DAZAP1: variants seen among roughly 807,000 people sequenced by gnomAD.
DAZAP1 encodes the protein DAZ associated protein 1.
Under a neutral mutation model 60.1 loss-of-function variants are expected in DAZAP1, and 6 were observed. That is an observed-to-expected ratio of 0.10 (90% CI 0.05 to 0.20). The LOEUF is 0.20. Ranked by LOEUF, DAZAP1 falls within the 10% of genes least tolerant of loss-of-function variation. DAZAP1 has a pLI of 1.00. For synonymous variants in DAZAP1, 235 were observed against 215.9 expected (o/e 1.09, Z -0.78); for missense variants, 366 against 560.4 (o/e 0.65, Z 3.50).
chr19:1,415,642 G>C (rs78275703), intron 1 of DAZAP1: 7 of 151,828 alleles, frequency 4.6e-5, no homozygotes, highest in African/African-American at 1.7e-4. Context: ...CGGAGGCCTC[G>C]CTCCTCCCAC....
chr19:1,412,057 T>C (rs947573461), intron 1 of DAZAP1, among the ~76,000 whole-genome samples: 3 of 152,180 alleles, frequency 2.0e-5, no homozygotes, highest in Non-Finnish European at 2.9e-5. Flanking sequence ...CTGGTCCGCC[T>C]GGGAGGGCGG....
rs577489807 is a variant in DAZAP1, at chr19:1,434,419, G to T, written c.1049-318G>T. 2.8e-5 allele frequency: 9 copies of T among 317,560 alleles called. No homozygotes were observed. The highest frequency in any genetic ancestry group is 1.8e-3 in the Middle Eastern group (2 of 1,108). The allele number at this position is 317,560 out of a possible 1,614,324, so 19.7% of individuals were successfully genotyped here. The stretch of plus-strand genomic sequence containing the variant: ...TGGGCCATGTGTGTCTCCAAGCCCC[G>T]AGGCTTCTCTACCTCCCCTCACCCC... On this transcript the variant is annotated intron_variant, in intron 11 of 11. Coordinates refer to ENST00000233078, the MANE Select transcript of DAZAP1 (RefSeq NM_018959.4). This position sits in a 1 kb window ranked among gnomAD's most constrained non-coding sequence, Gnocchi z 8.0.
At position 1,426,149 on chromosome 19, in the gene DAZAP1, G is replaced by C. The variant is rs1341608630; in HGVS notation, c.546+189G>C. Among the ~76,000 whole-genome samples the C allele has an allele frequency of 6.6e-6, 1 of 152,198 alleles. No individual in the cohort carries two copies. The highest frequency in any genetic ancestry group is 1.5e-5 in the Non-Finnish European group (1 of 68,028). On this transcript the variant is annotated intron_variant, in intron 7 of 11. Transcript: ENST00000233078. The surrounding 1 kb of genome is among the most constrained non-coding windows in gnomAD (Gnocchi z 5.4). ...CCCATCCTTCCCCAGCACCCTTCCT[G>C]CGGGGTGGGGATCTCTCAGCTTTGC... is the stretch of plus-strand genomic sequence containing the variant.
chr19:1,413,203 G>A (rs912043035), intron 1 of DAZAP1, among the ~76,000 whole-genome samples: 2 of 152,220 alleles, frequency 1.3e-5, no homozygotes, highest in African/African-American at 2.4e-5. Context: ...CGCCAGCCCC[G>A]TAGCAAGCCC....
At position 1,422,296 on chromosome 19, in the gene DAZAP1, C is replaced by T. The variant is rs374888371; in HGVS notation, c.415-52C>T. 637 of 1,563,138 alleles carry T rather than the reference C, an allele frequency of 4.1e-4. 4 individuals are homozygous for T. Among genetic ancestry groups the T allele is most frequent in the South Asian group, 2.6e-3 (233 of 89,968 alleles). On this transcript the variant is annotated intron_variant, in intron 5 of 11. Coordinates refer to ENST00000233078, the MANE Select transcript of DAZAP1 (RefSeq NM_018959.4). This position sits in a 1 kb window ranked among gnomAD's most constrained non-coding sequence, Gnocchi z 4.5. ...GGAACAGGCTGTGCCCTCGGAAGAC[C>T]ACCTGTGGTGCTGGCCCTGGTGTCC...
chr19:1,425,957 A>C lies in DAZAP1; in HGVS notation c.543A>C (p.Lys181Asn). Reference sequence around the variant, plus strand: ...TGCATTTTCACGACATCATGGGCAAAAAAGTGTGTAGTTGTAGTTTTATTT... The same window carrying C: ...TGCATTTTCACGACATCATGGGCAACAAAGTGTGTAGTTGTAGTTTTATTT... ...VNMHFHDIMG[K>N]KVEVKRAEPR... Residue 181 changes from lysine to asparagine, a missense_variant, in exon 7 of 12, where the codon AAA becomes AAC. Around this residue, in one of 3 missense-constraint regions of DAZAP1, gnomAD observed 28 missense variants for 96.3 expected, o/e 0.29. Coordinates refer to ENST00000233078, the MANE Select transcript of DAZAP1 (RefSeq NM_018959.4). This position sits in a 1 kb window ranked among gnomAD's most constrained non-coding sequence, Gnocchi z 5.4. The C allele has an allele frequency of 6.2e-7, 1 of 1,607,044 alleles. No individual in the cohort carries two copies. Among genetic ancestry groups the C allele is most frequent in the Non-Finnish European group, 8.5e-7 (1 of 1,173,508 alleles).
Position 1,423,865 on chromosome 19 carries a change from C to T in DAZAP1, c.463+1469C>T, listed in dbSNP as rs1173662878. ...CCTGTCCCGTGTGGACGGGACGTGG[C>T]GAGTGTCGCTGAGTCCACACTGGTG... On this transcript the variant is annotated intron_variant, in intron 6 of 11. Coordinates refer to ENST00000233078, the MANE Select transcript of DAZAP1 (RefSeq NM_018959.4). This position sits in a 1 kb window ranked among gnomAD's most constrained non-coding sequence, Gnocchi z 6.8. 6.6e-6 allele frequency among the ~76,000 whole-genome samples: 1 copy of T among 152,176 alleles called. No homozygotes were observed. Among genetic ancestry groups the T allele is most frequent in the African/African-American group, 2.4e-5 (1 of 41,426 alleles).
chr19:1,412,486 C>T (rs1233225562), intron 1 of DAZAP1, among the ~76,000 whole-genome samples: 1 of 152,218 alleles, frequency 6.6e-6, no homozygotes, highest in Non-Finnish European at 1.5e-5. Context: ...TGTGGGGAGG[C>T]AGGCTCCTCC....
chr19:1,430,254 G>GGGCCCCCCCCC lies in DAZAP1; in HGVS notation c.763_764insGGCCCCCCCCC (p.Ala255GlyfsTer84). On this transcript the variant is annotated frameshift_variant, in exon 10 of 12. Transcript: ENST00000233078. LOFTEE classifies it high-confidence loss of function. Reference sequence around the variant, plus strand: ...TGGACCGCCCCCTGCAGGAAGAGGAGCCCCCCCGCCACCCCCACCGTTCAC... The same window carrying GGGCCCCCCCCC: ...TGGACCGCCCCCTGCAGGAAGAGGAGGGCCCCCCCCCCCCCCCCGCCACCCCCACCGTTCAC... The GGGCCCCCCCCC allele has an allele frequency of 7.7e-7, 1 of 1,295,256 alleles. No individual in the cohort carries two copies. Among genetic ancestry groups the GGGCCCCCCCCC allele is most frequent in the Non-Finnish European group, 1.1e-6 (1 of 924,064 alleles). 80.2% of individuals were successfully genotyped at this position (1,295,256 alleles called of 1,614,324 possible).
At chr19:1,409,544 TCC>T (rs1223792969) in intron 1 of DAZAP1, among the ~76,000 whole-genome samples, 1 of 152,162 alleles carries the variant, frequency 6.6e-6, no homozygotes, top group East Asian at 1.9e-4. Context: ...CCTGCTCTCC[TCC>T]CCGGCTGCCA....
In DAZAP1 at chr19:1,430,254, GCCCCCCCGC is replaced by G; in HGVS notation, c.765_773del (p.Pro259_Pro261del). Reference sequence around the variant, plus strand: ...TGGACCGCCCCCTGCAGGAAGAGGAGCCCCCCCGCCACCCCCACCGTTCACCTCCTACAT... The same window carrying G: ...TGGACCGCCCCCTGCAGGAAGAGGAGCACCCCCACCGTTCACCTCCTACAT... On this transcript the variant is annotated inframe_deletion, in exon 10 of 12. Coordinates refer to ENST00000233078, the MANE Select transcript of DAZAP1 (RefSeq NM_018959.4). 7.7e-7 allele frequency: 1 copy of G among 1,295,268 alleles called. No homozygotes were observed. Among genetic ancestry groups the G allele is most frequent in the Non-Finnish European group, 1.1e-6 (1 of 924,076 alleles). The allele number at this position is 1,295,268 out of a possible 1,614,324, so 80.2% of individuals were successfully genotyped here. A position where few individuals can be genotyped will look rare whatever the true frequency, so the allele number is the denominator to read the frequency against.
In DAZAP1 at chr19:1,408,137, C is replaced by T. The variant is rs1334082938; in HGVS notation, c.29+335C>T. ...GGCAACCTGGGGGGGTGTCCTGGGG[C>T]GCCCGTGCCGCCGCTTCCCGACTGC... On this transcript the variant is annotated intron_variant, in intron 1 of 11. Transcript: ENST00000233078. Among the ~76,000 whole-genome samples the T allele has an allele frequency of 2.0e-5, 3 of 151,262 alleles. No homozygotes were observed. In the East Asian group the frequency reaches 5.9e-4, roughly 30 times the overall value.
chr19:1,417,258 G>C, intron 1 of DAZAP1: 1 of 561,732 alleles, frequency 1.8e-6, no homozygotes. Context: ...CATGAGGTCA[G>C]CGTGCGGCTC....
intron 9 of DAZAP1, 87 bp downstream of exon 9, chr19:1,430,083 C>G (rs2083405725): frequency 1.9e-6 from 3 of 1,582,676 alleles, no homozygotes; most frequent in African/African-American, 1.3e-5. Flanking sequence ...CCGGCAAAGC[C>G]TGGTTCCCGT....
In DAZAP1 at chr19:1,426,244, G is replaced by A. The variant is rs569256794; in HGVS notation, c.546+284G>A. 24 of 419,812 alleles carry A rather than the reference G, an allele frequency of 5.7e-5. No homozygotes were observed. Among genetic ancestry groups the A allele is most frequent in the African/African-American group, 2.6e-4 (13 of 49,362 alleles). 26.0% of individuals were successfully genotyped at this position (419,812 alleles called of 1,614,324 possible). A position where few individuals can be genotyped will look rare whatever the true frequency, so the allele number is the denominator to read the frequency against. ...GGGGCTGGGGCTGGGAGGCTGTGGCGGTGTTGGGGCTGGCTCCAGTGAAAC... is the reference window on the plus strand; with the variant it reads ...GGGGCTGGGGCTGGGAGGCTGTGGCAGTGTTGGGGCTGGCTCCAGTGAAAC... On this transcript the variant is annotated intron_variant, in intron 7 of 11. Coordinates refer to ENST00000233078, the MANE Select transcript of DAZAP1 (RefSeq NM_018959.4). This position sits in a 1 kb window ranked among gnomAD's most constrained non-coding sequence, Gnocchi z 5.4.
At chr19:1,412,609 G>A (rs904224100) in intron 1 of DAZAP1, among the ~76,000 whole-genome samples, 1 of 152,234 alleles carries the variant, frequency 6.6e-6, no homozygotes, top group African/African-American at 2.4e-5. Flanking sequence ...GCCCACTCTG[G>A]TGCTGCCAGG....
Position 1,433,840 on chromosome 19 carries a change from T to G in DAZAP1, c.1049-897T>G, listed in dbSNP as rs779385250. ...TGATGTGGCCTAGGTAGGTGCCGCC[T>G]CCTTCTCCAGGGTCCTCCCACCCGC... is the stretch of plus-strand genomic sequence containing the variant. On this transcript the variant is annotated intron_variant, in intron 11 of 11. Transcript: ENST00000233078. The surrounding 1 kb of genome is among the most constrained non-coding windows in gnomAD (Gnocchi z 6.1). 10 of 1,611,992 alleles carry G rather than the reference T, an allele frequency of 6.2e-6. No individual in the cohort carries two copies. Among genetic ancestry groups the G allele is most frequent in the Admixed American group, 1.7e-5 (1 of 59,974 alleles).
In DAZAP1 at chr19:1,422,741, G is replaced by C. The variant is rs139020445; in HGVS notation, c.463+345G>C. 6.6e-6 allele frequency among the ~76,000 whole-genome samples: 1 copy of C among 152,018 alleles called. No homozygotes were observed. The highest frequency in any genetic ancestry group is 1.9e-4 in the East Asian group (1 of 5,202). ...CTCATCCAGTCCTCCCAGTGTGGCC[G>C]GTCTCATTTCGTGTCGTCAGCTGGG... On this transcript the variant is annotated intron_variant, in intron 6 of 11. Coordinates refer to ENST00000233078, the MANE Select transcript of DAZAP1 (RefSeq NM_018959.4). The surrounding 1 kb of genome is among the most constrained non-coding windows in gnomAD (Gnocchi z 4.5).
chr19:1,411,521 G>A lies in DAZAP1; in HGVS notation c.29+3719G>A, dbSNP rs570977284. The stretch of plus-strand genomic sequence containing the variant: ...TTTGATTCCTGTGAATGGGCCTTGA[G>A]GGTGGATGTGCTCCTGACTGGCTCG... On this transcript the variant is annotated intron_variant, in intron 1 of 11. Coordinates refer to ENST00000233078, the MANE Select transcript of DAZAP1 (RefSeq NM_018959.4). Among the ~76,000 whole-genome samples the A allele has an allele frequency of 2.6e-5, 4 of 152,334 alleles. No individual in the cohort carries two copies. The South Asian group carries it at 8.3e-4, about 32-fold the overall frequency.
Sources: gnomAD v4.1 joint callset for allele counts (sites outside exome capture counted in the v4.1 genomes callset) on GRCh38, gnomAD v4.1.1 for gene constraint, gnomAD v4.1.1 regional missense constraint, Gnocchi (gnomAD v3.1) non-coding constraint, MANE v1.5 for transcripts, NCBI Gene and HGNC (gene_info 2026-07-23, HGNC 2026-07-21) for gene names.